Variants in WDR72 observed in about 807,000 individuals in gnomAD.
The protein encoded by WDR72 is WD repeat-containing protein 72.
A neutral mutation model predicts 124.2 loss-of-function variants in WDR72; 120 were observed. The ratio of observed to expected loss-of-function variants is 0.97; its 90% confidence interval spans 0.83 to 1.12. The LOEUF (loss-of-function observed/expected upper bound fraction) is 1.12, where lower values mean the gene tolerates loss of function less well. WDR72 is among the 50% of genes most tolerant of loss of function. The pLI is 0.00. For missense variants in WDR72, 1,387 were observed against 1,278.8 expected (o/e 1.08, Z -1.29); for synonymous variants, 452 against 441.7 (o/e 1.02, Z -0.29).
chr15:53,580,048 T>C (rs1480673048), intron 18 of WDR72, among the ~76,000 whole-genome samples: 1 of 152,012 alleles, frequency 6.6e-6, no homozygotes, highest in Non-Finnish European at 1.5e-5. Flanking sequence ...GCTAGGTGAT[T>C]AACTATCAGA....
rs144592565 is a variant in WDR72, at chr15:53,646,455, T to C, written c.1962+19117A>G. On this transcript the variant is annotated intron_variant, in intron 14 of 19. Transcript: ENST00000360509. ...GAGGTAAACAAACTGCTCATCATTT[T>C]TGAAAAACGTTGTAAGACCAAGGTA... Among the ~76,000 whole-genome samples the C allele has an allele frequency of 3.0e-3, 454 of 152,206 alleles. 1 individual carries two copies. The highest frequency in any genetic ancestry group is 3.9e-3 in the Non-Finnish European group (267 of 67,996).
At chr15:53,526,499 G>A (rs1892125635) in intron 18 of WDR72, among the ~76,000 whole-genome samples, 1 of 152,010 alleles carries the variant, frequency 6.6e-6, no homozygotes, top group South Asian at 2.1e-4. Flanking sequence ...ATGTCTCTTT[G>A]AGCTTTTTCT....
At chr15:53,537,278 T>C (rs896751389) in intron 18 of WDR72, among the ~76,000 whole-genome samples, 9 of 152,188 alleles carry the variant, frequency 5.9e-5, no homozygotes, top group African/African-American at 1.4e-4. Context: ...TTGAATGACA[T>C]TGTATAATTA....
At chr15:53,720,186 G>T (rs1052937349) in intron 3 of WDR72, among the ~76,000 whole-genome samples, 10 of 149,664 alleles carry the variant, frequency 6.7e-5, no homozygotes, top group African/African-American at 1.7e-4. Flanking sequence ...TATTTCTTTT[G>T]TCTATTGTTT....
chr15:53,541,538 G>C (rs374845103), intron 18 of WDR72, among the ~76,000 whole-genome samples: 1 of 151,352 alleles, frequency 6.6e-6, no homozygotes, highest in Non-Finnish European at 1.5e-5. Flanking sequence ...CCACAAAGAT[G>C]GGGAAAAAAC....
At chr15:53,758,075 G>T (rs2018961487) in intron 1 of WDR72, among the ~76,000 whole-genome samples, 1 of 151,718 alleles carries the variant, frequency 6.6e-6, no homozygotes, top group South Asian at 2.1e-4. Flanking sequence ...ATGCAATCAT[G>T]GCTCACTGCA....
intron 9 of WDR72, among the ~76,000 whole-genome samples, chr15:53,707,026 A>T (rs1478310726): frequency 6.6e-6 from 1 of 152,044 alleles, no homozygotes; most frequent in Non-Finnish European, 1.5e-5. Flanking sequence ...GTATATAGAG[A>T]TTATGCATAA....
intron 1 of WDR72, among the ~76,000 whole-genome samples, chr15:53,746,929 T>C (rs1351342994): frequency 6.6e-6 from 1 of 152,190 alleles, no homozygotes; most frequent in Non-Finnish European, 1.5e-5. Context: ...GTCACACAGC[T>C]AGCTAGTAAG....
intron 18 of WDR72, 52 bp downstream of exon 18, chr15:53,597,027 C>A (rs2012811470): frequency 6.4e-7 from 1 of 1,565,130 alleles, no homozygotes; most frequent in Non-Finnish European, 8.8e-7. Context: ...TGGAGACTAT[C>A]TATAGTAGAA....
chr15:53,710,976 A>G lies in WDR72; in HGVS notation c.858-23T>C, dbSNP rs747153240. On this transcript the variant is annotated intron_variant, in intron 8 of 19. Coordinates refer to ENST00000360509, the MANE Select transcript of WDR72 (RefSeq NM_182758.4). ...CCACTGCGTGGCAAAAATAAAAAGCAAAGTTTAGAACTTTGAGGTTCTTTA... is the reference window on the plus strand; with the variant it reads ...CCACTGCGTGGCAAAAATAAAAAGCGAAGTTTAGAACTTTGAGGTTCTTTA... The G allele has an allele frequency of 8.1e-6, 13 of 1,598,462 alleles. No individual in the cohort carries two copies. The Admixed American group carries it at 2.0e-4, about 25-fold the overall frequency.
At chr15:53,744,205 T>C (rs567700161) in intron 1 of WDR72, among the ~76,000 whole-genome samples, 4 of 152,290 alleles carry the variant, frequency 2.6e-5, no homozygotes, top group East Asian at 3.9e-4. Context: ...GAAGAGTTTA[T>C]AGGGGTGAGA....
intron 18 of WDR72, among the ~76,000 whole-genome samples, chr15:53,559,446 C>T (rs1242956549): frequency 6.6e-6 from 1 of 152,060 alleles, no homozygotes; most frequent in African/African-American, 2.4e-5. Context: ...CATTTGCAGA[C>T]AGCTGCAATA....
At chr15:53,683,392 CA>C (rs2016470384) in intron 13 of WDR72, among the ~76,000 whole-genome samples, 1 of 152,042 alleles carries the variant, frequency 6.6e-6, no homozygotes, top group South Asian at 2.1e-4. Context: ...ATGGAAACCC[CA>C]AATACCCTAA....
intron 2 of WDR72, among the ~76,000 whole-genome samples, 191 bp from the exon 3 acceptor site, chr15:53,723,099 A>G (rs1431064611): frequency 6.6e-6 from 1 of 152,244 alleles, no homozygotes; most frequent in African/African-American, 2.4e-5. Context: ...ATTGTGCTGT[A>G]GACAGGTTTT....
intron 17 of WDR72, among the ~76,000 whole-genome samples, chr15:53,601,837 C>A (rs2013058428): frequency 6.6e-6 from 1 of 152,144 alleles, no homozygotes; most frequent in Non-Finnish European, 1.5e-5. Context: ...CACACAGGTT[C>A]ATAAAGCAAG....
intron 14 of WDR72, among the ~76,000 whole-genome samples, chr15:53,655,281 T>C (rs1372513982): frequency 6.7e-6 from 1 of 149,664 alleles, no homozygotes; most frequent in Non-Finnish European, 1.5e-5. Context: ...AGACAATTTG[T>C]TACCATCTAT....
intron 13 of WDR72, among the ~76,000 whole-genome samples, chr15:53,686,600 A>T (rs976018461): frequency 2.4e-4 from 36 of 151,460 alleles, no homozygotes; most frequent in African/African-American, 7.1e-4. Context: ...AGACTCCCAC[A>T]CATTAATAAT....
In WDR72 at chr15:53,706,376, A is replaced by G. The variant is rs1050069931; in HGVS notation, c.955-302T>C. On this transcript the variant is annotated intron_variant, in intron 9 of 19. Coordinates refer to ENST00000360509, the MANE Select transcript of WDR72 (RefSeq NM_182758.4). ...TATATATATATATATATATATATAT[A>G]TATATATATATATATATATGGCTAT... Among the ~76,000 whole-genome samples the G allele has an allele frequency of 5.3e-4, 52 of 98,880 alleles. 2 individuals carry two copies. Among genetic ancestry groups the G allele is most frequent in the African/African-American group, 2.1e-3 (41 of 19,224 alleles). 64.9% of individuals were successfully genotyped at this position (98,880 alleles called of 152,430 possible).
At chr15:53,725,612 T>C (rs924148858) in intron 2 of WDR72, among the ~76,000 whole-genome samples, 2 of 152,124 alleles carry the variant, frequency 1.3e-5, no homozygotes, top group African/African-American at 4.8e-5. Flanking sequence ...AATGAAATAT[T>C]ACTCAGCGCT....
Sources: gnomAD v4.1 joint callset for allele counts (sites outside exome capture counted in the v4.1 genomes callset) on GRCh38, gnomAD v4.1.1 for gene constraint, MANE v1.5 for transcripts, NCBI Gene and HGNC (gene_info 2026-07-23, HGNC 2026-07-21) for gene names.